The following THSD7B variants were observed in gnomAD, a reference collection of about 807,000 sequenced individuals.
The protein encoded by THSD7B is thrombospondin type 1 domain containing 7B, also known as thrombospondin type-1 domain-containing protein 7B.
In THSD7B, 138 loss-of-function variants were observed where a neutral mutation model predicts 213.6. That is an observed-to-expected ratio of 0.65 (90% CI 0.56 to 0.74). The LOEUF (loss-of-function observed/expected upper bound fraction) is 0.74, where lower values mean the gene tolerates loss of function less well. Among genes scored for constraint, THSD7B ranks in the 30% least tolerant of loss-of-function variants. The pLI is 0.00. For synonymous variants in THSD7B, 742 were observed against 687.0 expected (o/e 1.08, Z -1.25); for missense variants, 1,931 against 1,991.5 (o/e 0.97, Z 0.58).
chr2:136,772,189 C>T (rs553098462), intron 1 of THSD7B, among the ~76,000 whole-genome samples: 17 of 152,090 alleles, frequency 1.1e-4, no homozygotes, highest in Non-Finnish European at 1.6e-4. Flanking sequence ...ATCCAAAGCC[C>T]GAGGTTTTAC....
intron 12 of THSD7B, among the ~76,000 whole-genome samples, chr2:137,401,397 C>G: frequency 6.6e-6 from 1 of 152,106 alleles, no homozygotes; most frequent in South Asian, 2.1e-4. Flanking sequence ...TTCATACCCT[C>G]TAGTATAATT....
intron 7 of THSD7B, among the ~76,000 whole-genome samples, chr2:137,205,406 G>C (rs1680964347): frequency 6.6e-6 from 1 of 152,008 alleles, no homozygotes; most frequent in African/African-American, 2.4e-5. Context: ...GTTTATCACA[G>C]CTGAAAAATG....
intron 15 of THSD7B, among the ~76,000 whole-genome samples, chr2:137,496,235 T>C (rs1249176928): frequency 6.6e-6 from 1 of 152,160 alleles, no homozygotes; most frequent in African/African-American, 2.4e-5. Context: ...GATGAGTAGA[T>C]TCCAGGTCCA....
chr2:137,370,691 A>G (rs1255972467), intron 12 of THSD7B, among the ~76,000 whole-genome samples: 1 of 151,768 alleles, frequency 6.6e-6, no homozygotes, highest in African/African-American at 2.4e-5. Context: ...CTGGTCTTGA[A>G]CTCCTGACCT....
At chr2:137,606,602 T>A (rs1682182629) in intron 17 of THSD7B, among the ~76,000 whole-genome samples, 1 of 152,142 alleles carries the variant, frequency 6.6e-6, no homozygotes, top group African/African-American at 2.4e-5. Context: ...AAAGACCCAG[T>A]ACCCCTACTC....
At chr2:137,258,661 T>C (rs1374918879) in intron 10 of THSD7B, among the ~76,000 whole-genome samples, 1 of 150,632 alleles carries the variant, frequency 6.6e-6, no homozygotes, top group Non-Finnish European at 1.5e-5. Context: ...ACACATACCA[T>C]GCTCTTTTTT....
At position 137,620,804 on chromosome 2, in the gene THSD7B, G is replaced by A. The variant is rs1682506057; in HGVS notation, c.3799+78G>A. ...TCAGTATGCCATAGCTTGATAAATG[G>A]CATAAGGTATGGGACCCAGCTGAAG... On this transcript the variant is annotated intron_variant, in intron 20 of 27. Coordinates refer to ENST00000409968, the MANE Select transcript of THSD7B (RefSeq NM_001316349.2). 1.0e-5 allele frequency: 13 copies of A among 1,275,920 alleles called. No individual in the cohort carries two copies. In the Admixed American group the frequency reaches 1.1e-4, roughly 11 times the overall value. The allele number at this position is 1,275,920 out of a possible 1,614,324, so 79.0% of individuals were successfully genotyped here. A position where few individuals can be genotyped will look rare whatever the true frequency, so the allele number is the denominator to read the frequency against.
chr2:137,552,824 G>C (rs967607492), intron 15 of THSD7B, among the ~76,000 whole-genome samples: 4 of 152,166 alleles, frequency 2.6e-5, no homozygotes, highest in African/African-American at 9.7e-5. Flanking sequence ...ATAAGAAAAG[G>C]GTCAGAATGT....
intron 7 of THSD7B, among the ~76,000 whole-genome samples, chr2:137,215,402 C>T (rs1386777082): frequency 2.6e-5 from 4 of 152,044 alleles, no homozygotes; most frequent in African/African-American, 4.8e-5. Context: ...CTGCAGATTC[C>T]CAAACAGGTT....
At position 137,287,831 on chromosome 2, in the gene THSD7B, G is replaced by A. The variant is rs370171780; in HGVS notation, c.2500+11805G>A. Among the ~76,000 whole-genome samples, 13 of 152,194 alleles carry A rather than the reference G, an allele frequency of 8.5e-5. No homozygotes were observed. The South Asian group carries it at 1.7e-3, about 20-fold the overall frequency. On this transcript the variant is annotated intron_variant, in intron 12 of 27. Transcript: ENST00000409968. ...AATGCAGTCATTTGTAAAACTGGTA[G>A]TAAGAAATTTCTCTTCTAGCTACAC...
chr2:137,618,304 C>A, intron 18 of THSD7B, 88 bp from the exon 19 acceptor site: 1 of 1,029,280 alleles, frequency 9.7e-7, no homozygotes, highest in Non-Finnish European at 1.5e-6. Flanking sequence ...GGATTATTCT[C>A]CACCAAAGCA....
At chr2:137,062,772 G>A (rs1472115782) in intron 3 of THSD7B, among the ~76,000 whole-genome samples, 1 of 151,770 alleles carries the variant, frequency 6.6e-6, no homozygotes, top group Non-Finnish European at 1.5e-5. Flanking sequence ...AAGAATGTGT[G>A]TACTCTGCTG....
intron 6 of THSD7B, among the ~76,000 whole-genome samples, chr2:137,166,679 A>G (rs1344024705): frequency 3.3e-5 from 5 of 152,228 alleles, no homozygotes; most frequent in African/African-American, 1.2e-4. Flanking sequence ...ATAACATGCT[A>G]AAGTTGGAAA....
intron 3 of THSD7B, among the ~76,000 whole-genome samples, chr2:137,070,891 G>C (rs898809295): frequency 1.1e-4 from 15 of 136,752 alleles, no homozygotes; most frequent in African/African-American, 4.5e-4. Flanking sequence ...AGGACATGAA[G>C]TCATCATTTT....
intron 7 of THSD7B, among the ~76,000 whole-genome samples, chr2:137,212,981 C>T (rs1431066543): frequency 6.7e-6 from 1 of 148,686 alleles, no homozygotes; most frequent in East Asian, 2.0e-4. Flanking sequence ...TTTATGGCAT[C>T]TGCCACAACA....
At chr2:136,851,183 G>A (rs1014287737) in intron 1 of THSD7B, among the ~76,000 whole-genome samples, 1 of 151,728 alleles carries the variant, frequency 6.6e-6, no homozygotes, top group African/African-American at 2.4e-5. Flanking sequence ...TTTCATTTGA[G>A]GATTCGTATA....
chr2:137,570,340 G>A (rs1681328256), intron 16 of THSD7B, among the ~76,000 whole-genome samples: 1 of 151,574 alleles, frequency 6.6e-6, no homozygotes. Flanking sequence ...ACGGAGTCTC[G>A]CCCTGTCGTC....
At chr2:136,852,025 G>A (rs988797119) in intron 1 of THSD7B, among the ~76,000 whole-genome samples, 1 of 151,928 alleles carries the variant, frequency 6.6e-6, no homozygotes, top group Non-Finnish European at 1.5e-5. Context: ...TGGCAAAAGA[G>A]ACTTTGAAGA....
chr2:137,359,542 T>C (rs777443507), intron 12 of THSD7B, among the ~76,000 whole-genome samples: 6 of 152,106 alleles, frequency 3.9e-5, no homozygotes, highest in Non-Finnish European at 8.8e-5. Context: ...GGTAAGCGCT[T>C]ACTGAAGAAG....
Sources: allele counts gnomAD v4.1 joint callset (sites outside exome capture counted in the v4.1 genomes callset), GRCh38; gene constraint gnomAD v4.1.1; transcripts MANE v1.5; gene names NCBI Gene and HGNC (gene_info 2026-07-23, HGNC 2026-07-21).